LEF1: variants seen among roughly 807,000 people sequenced by gnomAD.
LEF1 encodes the protein lymphoid enhancer binding factor 1.
A neutral mutation model predicts 51.2 loss-of-function variants in LEF1; 14 were observed. The ratio of observed to expected loss-of-function variants is 0.27; its 90% CI spans 0.18 to 0.43. The LOEUF is 0.43. Ranked by LOEUF, LEF1 falls within the 20% of genes least tolerant of loss-of-function variation. The pLI is 1.00. For synonymous variants in LEF1, 185 were observed against 183.2 expected (o/e 1.01, Z -0.08); for missense variants, 386 against 512.0 (o/e 0.75, Z 2.37).
Position 108,165,001 on chromosome 4 carries a change from C to G in LEF1, c.280+96G>C, listed in dbSNP as rs575229420. On this transcript the variant is annotated intron_variant, in intron 2 of 11. Coordinates refer to ENST00000265165, the MANE Select transcript of LEF1 (RefSeq NM_016269.5). Reference sequence around the variant, plus strand: ...ATAGTGGGCATAGTCTGACCTAGTCCCAGTTTCTTGAACTCAAAAGTAACA... The same window carrying G: ...ATAGTGGGCATAGTCTGACCTAGTCGCAGTTTCTTGAACTCAAAAGTAACA... 2.9e-5 allele frequency: 30 copies of G among 1,020,974 alleles called. 1 individual carries two copies. In the South Asian group the frequency reaches 4.1e-4, roughly 14 times the overall value. The allele number at this position is 1,020,974 out of a possible 1,614,324, so 63.2% of individuals were successfully genotyped here.
chr4:108,104,679 C>A, intron 3 of LEF1: 1 of 984,404 alleles, frequency 1.0e-6, no homozygotes, highest in Non-Finnish European at 1.2e-6. Context: ...GAAGGACATA[C>A]CTATGAATGC....
At chr4:108,064,964 A>T (rs188747656) in intron 9 of LEF1, among the ~76,000 whole-genome samples, 1 of 152,232 alleles carries the variant, frequency 6.6e-6, no homozygotes, top group African/African-American at 2.4e-5. Context: ...AGAAACGACA[A>T]AACCAAGGAG....
intron 4 of LEF1, among the ~76,000 whole-genome samples, chr4:108,088,768 C>T (rs1739819335): frequency 8.6e-6 from 1 of 115,628 alleles, no homozygotes; most frequent in African/African-American, 2.9e-5. Flanking sequence ...TTCCCCATTC[C>T]TATTTTAAAA....
intron 11 of LEF1, among the ~76,000 whole-genome samples, chr4:108,049,812 A>G (rs1448799977): frequency 6.6e-6 from 1 of 152,258 alleles, no homozygotes; most frequent in Non-Finnish European, 1.5e-5. Context: ...AAACTTTGAC[A>G]TAGTTTAATA....
Position 108,154,178 on chromosome 4 carries a change from G to T in LEF1, c.414+9390C>A, listed in dbSNP as rs113658757. On this transcript the variant is annotated intron_variant, in intron 3 of 11. Transcript: ENST00000265165. ...AGAAAATTGTAACAATTTCTCTTCT[G>T]CTTTCAATTTTAATCAATATTATGA... is the stretch of plus-strand genomic sequence containing the variant. Among the ~76,000 whole-genome samples the T allele has an allele frequency of 3.6e-3, 543 of 151,858 alleles. 2 individuals are homozygous for T. Among genetic ancestry groups the T allele is most frequent in the Non-Finnish European group, 6.2e-3 (421 of 67,920 alleles).
At chr4:108,098,502 A>AAGGCGGGGC (rs1740535455) in intron 3 of LEF1, among the ~76,000 whole-genome samples, 1 of 151,900 alleles carries the variant, frequency 6.6e-6, no homozygotes. Context: ...TTCATATTCA[A>AAGGCGGGGC]AGGGGGGGCT....
intron 4 of LEF1, among the ~76,000 whole-genome samples, chr4:108,083,921 C>T (rs1739477044): frequency 6.6e-6 from 1 of 152,092 alleles, no homozygotes; most frequent in Non-Finnish European, 1.5e-5. Context: ...AATGTGACAC[C>T]TCAGAGGATC....
chr4:108,142,914 T>C (rs1743763748), intron 3 of LEF1, among the ~76,000 whole-genome samples: 1 of 152,178 alleles, frequency 6.6e-6, no homozygotes, highest in South Asian at 2.1e-4. Flanking sequence ...TTCACAAAGA[T>C]TTAATATTGT....
chr4:108,070,457 A>G (rs1480537631), intron 9 of LEF1: 1 of 382,034 alleles, frequency 2.6e-6, no homozygotes, highest in Non-Finnish European at 4.6e-6. Flanking sequence ...ATTTAAAAGC[A>G]TTCATTAGCA....
intron 3 of LEF1, among the ~76,000 whole-genome samples, chr4:108,158,933 A>G (rs1744903082): frequency 6.6e-6 from 1 of 152,132 alleles, no homozygotes; most frequent in Admixed American, 6.5e-5. Context: ...AAATACTTCA[A>G]AAGCAAGATT....
chr4:108,061,932 G>A (rs750744875), intron 11 of LEF1, among the ~76,000 whole-genome samples: 6 of 152,148 alleles, frequency 3.9e-5, no homozygotes, highest in Admixed American at 1.3e-4. Context: ...TACAGTGATG[G>A]GATTTGGAAA....
At chr4:108,074,789 G>C (rs1228717526) in intron 8 of LEF1, among the ~76,000 whole-genome samples, 1 of 152,198 alleles carries the variant, frequency 6.6e-6, no homozygotes, top group Non-Finnish European at 1.5e-5. Flanking sequence ...CACATGCTCG[G>C]ATCTGGGGAT....
At chr4:108,141,992 T>C (rs1467325001) in intron 3 of LEF1, among the ~76,000 whole-genome samples, 2 of 152,158 alleles carry the variant, frequency 1.3e-5, no homozygotes, top group African/African-American at 4.8e-5. Context: ...GTTTTTCATA[T>C]GGAAAAACCA....
Position 108,145,919 on chromosome 4 carries a change from T to G in LEF1, c.414+17649A>C, listed in dbSNP as rs1743970852. Among the ~76,000 whole-genome samples the G allele has an allele frequency of 3.9e-5, 6 of 152,234 alleles. No homozygotes were observed. The South Asian group carries it at 1.2e-3, about 32-fold the overall frequency. ...GTGATGAAAATGTCCTAAAACTGAC[T>G]GTGATGATGGCTGCACTAACTATGT... On this transcript the variant is annotated intron_variant, in intron 3 of 11. Transcript: ENST00000265165.
At chr4:108,092,846 G>A (rs1005494806) in intron 3 of LEF1, among the ~76,000 whole-genome samples, 5 of 145,402 alleles carry the variant, frequency 3.4e-5, no homozygotes, top group African/African-American at 7.6e-5. Context: ...TCTAATTCTC[G>A]CAGCTTACTT....
In LEF1 at chr4:108,063,674, T is replaced by C. The variant is rs1370500285; in HGVS notation, c.1166-11A>G. On this transcript the variant is annotated splice_polypyrimidine_tract_variant and intron_variant, in intron 10 of 11. Transcript: ENST00000265165. ...TTCTTGGACCTGTACCTGCAGAAAA[T>C]TGTGTCTTTAACAAATTTTTATTGA... 1.3e-6 allele frequency: 2 copies of C among 1,581,898 alleles called. No homozygotes were observed. Among genetic ancestry groups the C allele is most frequent in the Admixed American group, 1.9e-5 (1 of 51,862 alleles).
At chr4:108,153,342 A>G (rs962832730) in intron 3 of LEF1, among the ~76,000 whole-genome samples, 1 of 152,242 alleles carries the variant, frequency 6.6e-6, no homozygotes, top group Non-Finnish European at 1.5e-5. Context: ...AAGGAAGTCC[A>G]TGGTTTGTAT....
At chr4:108,104,683 T>A (rs993507429) in intron 3 of LEF1, 46 of 984,394 alleles carry the variant, frequency 4.7e-5, no homozygotes, top group Admixed American at 3.1e-4. Flanking sequence ...GACATACCTA[T>A]GAATGCTCTT....
intron 3 of LEF1, among the ~76,000 whole-genome samples, chr4:108,104,109 C>T (rs1179111601): frequency 6.6e-6 from 1 of 152,062 alleles, no homozygotes; most frequent in African/African-American, 2.4e-5. Context: ...AATGGATGAA[C>T]TCTGAAAACA....
Sources: allele counts gnomAD v4.1 joint callset (sites outside exome capture counted in the v4.1 genomes callset), GRCh38; gene constraint gnomAD v4.1.1; transcripts MANE v1.5; gene names NCBI Gene and HGNC (gene_info 2026-07-23, HGNC 2026-07-21).